The following FHIT variants were observed in gnomAD, a reference collection of about 807,000 sequenced individuals.
FHIT encodes bis(5'-adenosyl)-triphosphatase.
FHIT carries 19 observed loss-of-function variants against 17.9 expected under a neutral mutation model. The ratio of observed to expected loss-of-function variants is 1.06; its 90% CI spans 0.74 to 1.56. FHIT has a LOEUF of 1.56. Ranked by LOEUF, FHIT falls within the 40% of genes most tolerant of loss-of-function variation. FHIT has a pLI of 0.00. For synonymous variants in FHIT, 81 were observed against 69.7 expected (o/e 1.16, Z -0.81); for missense variants, 248 against 189.2 (o/e 1.31, Z -1.82).
At chr3:61,055,325 A>C (rs781558111) in intron 2 of FHIT, among the ~76,000 whole-genome samples, 42 of 152,188 alleles carry the variant, frequency 2.8e-4, no homozygotes, top group Non-Finnish European at 3.5e-4. Flanking sequence ...CTCAAAGGTA[A>C]TACAGTGCTC....
chr3:59,879,120 T>C (rs554037750), intron 8 of FHIT, among the ~76,000 whole-genome samples: 35 of 152,280 alleles, frequency 2.3e-4, no homozygotes, highest in Middle Eastern at 3.4e-3. Context: ...ACACAGTAAT[T>C]ATTTCACTTC....
At chr3:60,628,118 T>G (rs1249671864) in intron 4 of FHIT, among the ~76,000 whole-genome samples, 1 of 152,232 alleles carries the variant, frequency 6.6e-6, no homozygotes, top group Non-Finnish European at 1.5e-5. Flanking sequence ...CTGTTTTAGT[T>G]GCATTCTATC....
rs142440377 is a variant in FHIT at position 60,108,746 on chromosome 3, C to G, written c.104-94594G>C. ...TGGCTTGACCTCAGCTCACCACAACCTCCACCTCCTGGGTTCAAGTGATTC... is the reference window on the plus strand; with the variant it reads ...TGGCTTGACCTCAGCTCACCACAACGTCCACCTCCTGGGTTCAAGTGATTC... On this transcript the variant is annotated intron_variant, in intron 5 of 9. Coordinates refer to ENST00000492590, the MANE Select transcript of FHIT (RefSeq NM_002012.4). Among the ~76,000 whole-genome samples the G allele has an allele frequency of 3.2e-3, 479 of 152,022 alleles. 3 individuals are homozygous for G. Among genetic ancestry groups the G allele is most frequent in the African/African-American group, 0.011 (447 of 41,430 alleles).
At position 60,164,011 on chromosome 3, in the gene FHIT, C is replaced by A. The variant is rs1437568890; in HGVS notation, c.104-149859G>T. On this transcript the variant is annotated intron_variant, in intron 5 of 9. Transcript: ENST00000492590. ...CTGGCTTCTGCTCACCCTCAAATGT[C>A]CAGTGTTCAGGGGCATGCCTGGCTC... is the stretch of plus-strand genomic sequence containing the variant. Among the ~76,000 whole-genome samples the A allele has an allele frequency of 1.3e-5, 2 of 152,128 alleles. 1 individual carries two copies. The highest frequency in any genetic ancestry group is 2.9e-5 in the Non-Finnish European group (2 of 68,036).
chr3:60,964,957 C>T (rs1553782675), intron 3 of FHIT, among the ~76,000 whole-genome samples: 1 of 152,068 alleles, frequency 6.6e-6, no homozygotes, highest in Non-Finnish European at 1.5e-5. Context: ...CTCTGTATTT[C>T]CTGAATTTGA....
chr3:60,783,179 C>T (rs191447887), intron 4 of FHIT, among the ~76,000 whole-genome samples: 1 of 152,136 alleles, frequency 6.6e-6, no homozygotes, highest in African/African-American at 2.4e-5. Flanking sequence ...AACAGTTTCG[C>T]CATGTTGCCC....
chr3:60,948,205 G>A (rs1708720900), intron 3 of FHIT, among the ~76,000 whole-genome samples: 1 of 152,070 alleles, frequency 6.6e-6, no homozygotes, highest in Non-Finnish European at 1.5e-5. Context: ...CCCTAAGGGG[G>A]TCTTATATAT....
intron 2 of FHIT, among the ~76,000 whole-genome samples, chr3:61,141,608 G>A (rs1350893717): frequency 2.8e-5 from 4 of 145,326 alleles, no homozygotes; most frequent in Admixed American, 2.1e-4. Flanking sequence ...TATCTCTTAC[G>A]ATGTAGCTTC....
intron 3 of FHIT, among the ~76,000 whole-genome samples, chr3:60,898,460 G>A (rs1553762404): frequency 6.6e-6 from 1 of 152,140 alleles, no homozygotes; most frequent in African/African-American, 2.4e-5. Flanking sequence ...AGTGTATGGT[G>A]GGTTCCCTTT....
chr3:60,004,251 T>G (rs1699837204), intron 7 of FHIT, among the ~76,000 whole-genome samples: 1 of 152,066 alleles, frequency 6.6e-6, no homozygotes, highest in African/African-American at 2.4e-5. Context: ...TAAAAGACAG[T>G]TTACTGAATC....
At chr3:60,398,765 A>G (rs1416078386) in intron 5 of FHIT, among the ~76,000 whole-genome samples, 2 of 152,204 alleles carry the variant, frequency 1.3e-5, no homozygotes, top group African/African-American at 2.4e-5. Context: ...CCTGGAAGGA[A>G]TCTATTTGAT....
chr3:60,426,959 T>C (rs1702691914), intron 5 of FHIT, among the ~76,000 whole-genome samples: 1 of 152,064 alleles, frequency 6.6e-6, no homozygotes, highest in African/African-American at 2.4e-5. Flanking sequence ...TACACTTCTG[T>C]GACTAGGTTA....
intron 4 of FHIT, among the ~76,000 whole-genome samples, chr3:60,687,530 G>A (rs1214003779): frequency 6.6e-6 from 1 of 152,022 alleles, no homozygotes; most frequent in South Asian, 2.1e-4. Context: ...GCAGAACATG[G>A]AGGCTGTTAA....
intron 8 of FHIT, among the ~76,000 whole-genome samples, chr3:59,774,304 T>G (rs972794): frequency 1.3e-5 from 2 of 152,214 alleles, no homozygotes; most frequent in Non-Finnish European, 2.9e-5. Flanking sequence ...CTGAATAGCC[T>G]GAAGAGCTTA....
intron 3 of FHIT, among the ~76,000 whole-genome samples, chr3:60,858,773 C>A (rs1445450847): frequency 6.6e-6 from 1 of 152,146 alleles, no homozygotes; most frequent in African/African-American, 2.4e-5. Context: ...AAGTCTGTGG[C>A]ATTGAGACCA....
At chr3:61,179,216 G>A (rs987123876) in intron 2 of FHIT, among the ~76,000 whole-genome samples, 1 of 151,878 alleles carries the variant, frequency 6.6e-6, no homozygotes, top group African/African-American at 2.4e-5. Context: ...CACCATGTTG[G>A]CCAGAATGGT....
intron 5 of FHIT, among the ~76,000 whole-genome samples, chr3:60,131,773 C>T (rs1699606669): frequency 6.6e-6 from 1 of 152,214 alleles, no homozygotes; most frequent in Non-Finnish European, 1.5e-5. Flanking sequence ...CAGCCTTCTA[C>T]CTGGTAGCCT....
chr3:60,359,667 G>C (rs1336574727), intron 5 of FHIT, among the ~76,000 whole-genome samples: 2 of 152,208 alleles, frequency 1.3e-5, no homozygotes, highest in Non-Finnish European at 2.9e-5. Flanking sequence ...TCGCCAAAGA[G>C]ACAGGAGCAA....
At chr3:60,913,619 C>T (rs1400250519) in intron 3 of FHIT, among the ~76,000 whole-genome samples, 1 of 152,208 alleles carries the variant, frequency 6.6e-6, no homozygotes, top group Non-Finnish European at 1.5e-5. Context: ...AAGTTAGTGA[C>T]TTTAAACAAC....
Sources: gnomAD v4.1 joint callset for allele counts (sites outside exome capture counted in the v4.1 genomes callset) on GRCh38, gnomAD v4.1.1 for gene constraint, MANE v1.5 for transcripts, NCBI Gene and HGNC (gene_info 2026-07-23, HGNC 2026-07-21) for gene names.